Variants in ANKRD45 observed in about 807,000 individuals in gnomAD.
ANKRD45 encodes the protein ankyrin repeat domain-containing protein 45.
In ANKRD45, 21 loss-of-function variants were observed where a neutral mutation model predicts 28.1. The ratio of observed to expected loss-of-function variants is 0.75; its 90% CI spans 0.53 to 1.08. The LOEUF (loss-of-function observed/expected upper bound fraction) is 1.08, where lower values mean the gene tolerates loss of function less well. Ranked by LOEUF, ANKRD45 falls within the 50% of genes least tolerant of loss-of-function variation. The pLI is 0.00. For missense variants in ANKRD45, 261 were observed against 308.7 expected (o/e 0.85, Z 1.16); for synonymous variants, 86 against 103.9 (o/e 0.83, Z 1.05).
At chr1:173,639,485 G>A (rs1382855719) in intron 3 of ANKRD45, among the ~76,000 whole-genome samples, 1 of 152,154 alleles carries the variant, frequency 6.6e-6, no homozygotes, top group African/African-American at 2.4e-5. Context: ...AGAGAACACA[G>A]AAGGAAAATG....
chr1:173,667,315 A>G (rs1348444146), intron 1 of ANKRD45, among the ~76,000 whole-genome samples: 1 of 152,236 alleles, frequency 6.6e-6, no homozygotes, highest in Non-Finnish European at 1.5e-5. Flanking sequence ...TAAAAGATCC[A>G]AAGTATAAGA....
rs149285318 is a variant in ANKRD45 at position 173,658,185 on chromosome 1, G to A, written c.328+906C>T. 677 of 175,772 alleles carry A rather than the reference G, an allele frequency of 3.9e-3. 4 individuals are homozygous for A. The highest frequency in any genetic ancestry group is 0.014 in the African/African-American group (572 of 41,886). 10.9% of individuals were successfully genotyped at this position (175,772 alleles called of 1,614,324 possible). Reference sequence around the variant, plus strand: ...CAAAAAATACAAAAATTAGCCAGGCGTGGTGACCCATGCCTGTAGTCCCAG... The same window carrying A: ...CAAAAAATACAAAAATTAGCCAGGCATGGTGACCCATGCCTGTAGTCCCAG... On this transcript the variant is annotated intron_variant, in intron 2 of 5. Coordinates refer to ENST00000333279, the MANE Select transcript of ANKRD45 (RefSeq NM_198493.3).
At position 173,613,697 on chromosome 1, in the gene ANKRD45, C is replaced by T. The variant is rs946571045; in HGVS notation, c.731-3482G>A. Among the ~76,000 whole-genome samples, 14 of 148,694 alleles carry T rather than the reference C, an allele frequency of 9.4e-5. 1 individual carries two copies. Among genetic ancestry groups the T allele is most frequent in the South Asian group, 6.2e-4 (3 of 4,814 alleles). On this transcript the variant is annotated intron_variant, in intron 5 of 5. Coordinates refer to ENST00000333279, the MANE Select transcript of ANKRD45 (RefSeq NM_198493.3). The stretch of plus-strand genomic sequence containing the variant: ...CCGCCCCGTCCGGGAGGTTGGGGGG[C>T]GCCTCTGCCCGGCCGCCCCTTCTGG...
chr1:173,664,907 A>G (rs1394967666), intron 1 of ANKRD45, among the ~76,000 whole-genome samples: 2 of 152,176 alleles, frequency 1.3e-5, no homozygotes, highest in Non-Finnish European at 2.9e-5. Context: ...ACTTGGGTTC[A>G]CAATCCAATC....
the ANKRD45 span, among the ~76,000 whole-genome samples, chr1:173,693,360 C>T: frequency 6.6e-6 from 1 of 152,036 alleles, no homozygotes; most frequent in African/African-American, 2.4e-5. Flanking sequence ...TTATGTTATT[C>T]TTTGTTATTC....
intron 2 of ANKRD45, among the ~76,000 whole-genome samples, 166 bp from the exon 3 acceptor site, chr1:173,647,179 C>T (rs1333105049): frequency 2.6e-5 from 4 of 152,174 alleles, no homozygotes; most frequent in African/African-American, 7.2e-5. Flanking sequence ...TATAAAACCA[C>T]TATGATGTCA....
intron 2 of ANKRD45, among the ~76,000 whole-genome samples, chr1:173,650,696 C>T (rs1411144206): frequency 1.3e-5 from 2 of 152,164 alleles, no homozygotes; most frequent in Non-Finnish European, 2.9e-5. Context: ...GGTTGAACTA[C>T]TTTACACTCC....
chr1:173,661,685 G>T (rs896512441), intron 1 of ANKRD45, among the ~76,000 whole-genome samples: 3 of 152,084 alleles, frequency 2.0e-5, no homozygotes, highest in Non-Finnish European at 4.4e-5. Flanking sequence ...AGTGTGAATT[G>T]GGGCTTTAAT....
intron 1 of ANKRD45, among the ~76,000 whole-genome samples, chr1:173,667,998 G>A (rs867141130): frequency 6.6e-6 from 1 of 152,136 alleles, no homozygotes; most frequent in Admixed American, 6.5e-5. Context: ...ATATTTTTAT[G>A]AGAAATATAT....
At chr1:173,654,804 T>A (rs924699155) in intron 2 of ANKRD45, among the ~76,000 whole-genome samples, 2 of 152,236 alleles carry the variant, frequency 1.3e-5, no homozygotes, top group African/African-American at 4.8e-5. Flanking sequence ...TTCTTTTTAC[T>A]CTTTTTCTCT....
At chr1:173,679,888 A>G in the ANKRD45 span, among the ~76,000 whole-genome samples, 1 of 152,264 alleles carries the variant, frequency 6.6e-6, no homozygotes, top group Non-Finnish European at 1.5e-5. Context: ...GGATATGAAC[A>G]GACACTTTTC....
chr1:173,677,718 T>G, the ANKRD45 span, among the ~76,000 whole-genome samples: 1 of 152,304 alleles, frequency 6.6e-6, no homozygotes, highest in African/African-American at 2.4e-5. Flanking sequence ...TAACTTAGTG[T>G]TACAAGTACT....
intron 3 of ANKRD45, among the ~76,000 whole-genome samples, chr1:173,644,794 A>G (rs1668852450): frequency 6.6e-6 from 1 of 152,158 alleles, no homozygotes; most frequent in Non-Finnish European, 1.5e-5. Flanking sequence ...GGAGTTCGAG[A>G]CCAGCCTGAC....
At chr1:173,714,086 A>T in the ANKRD45 span, among the ~76,000 whole-genome samples, 1 of 152,164 alleles carries the variant, frequency 6.6e-6, no homozygotes, top group Non-Finnish European at 1.5e-5. Context: ...ACCTGTGTAG[A>T]TTCTACATAA....
chr1:173,677,560 G>C, the ANKRD45 span, among the ~76,000 whole-genome samples: 1 of 152,020 alleles, frequency 6.6e-6, no homozygotes, highest in Non-Finnish European at 1.5e-5. Flanking sequence ...GAGTTGAATG[G>C]TGTTAATTTC....
intron 3 of ANKRD45, among the ~76,000 whole-genome samples, chr1:173,643,433 AGTCC>A (rs1668791276): frequency 6.6e-6 from 1 of 152,086 alleles, no homozygotes; most frequent in Admixed American, 6.6e-5. Flanking sequence ...GGTCTCCCAA[AGTCC>A]CGGGATTACA....
intron 2 of ANKRD45, among the ~76,000 whole-genome samples, chr1:173,647,408 C>G (rs1668985983): frequency 6.6e-6 from 1 of 152,140 alleles, no homozygotes; most frequent in African/African-American, 2.4e-5. Context: ...GAATTTTTAT[C>G]AAACTCTAAT....
At chr1:173,634,625 T>G (rs927545980) in intron 3 of ANKRD45, among the ~76,000 whole-genome samples, 1 of 152,004 alleles carries the variant, frequency 6.6e-6, no homozygotes, top group Non-Finnish European at 1.5e-5. Context: ...TGGGACTCAT[T>G]GCCCTCTCAA....
chr1:173,708,868 A>G, the ANKRD45 span, among the ~76,000 whole-genome samples: 1 of 152,360 alleles, frequency 6.6e-6, no homozygotes, highest in African/African-American at 2.4e-5. Flanking sequence ...TTACAGGATT[A>G]GCACTGGGAC....
Sources: gnomAD v4.1 joint callset for allele counts (sites outside exome capture counted in the v4.1 genomes callset) on GRCh38, gnomAD v4.1.1 for gene constraint, MANE v1.5 for transcripts, NCBI Gene and HGNC (gene_info 2026-07-23, HGNC 2026-07-21) for gene names.